Variants in CCDC138 observed in about 807,000 individuals in gnomAD.
The protein encoded by CCDC138 is coiled-coil domain containing 138.
A neutral mutation model predicts 82.3 loss-of-function variants in CCDC138; 66 were observed. The ratio of observed to expected loss-of-function variants is 0.80; its 90% CI spans 0.66 to 0.98. The LOEUF is 0.98. CCDC138 is among the 50% of genes least tolerant of loss of function. The pLI is 0.00. For missense variants in CCDC138, 816 were observed against 758.9 expected, an observed-to-expected ratio of 1.08 and a Z score of -0.88; for synonymous variants, 297 against 265.4, an observed-to-expected ratio of 1.12 and a Z score of -1.16.
chr2:108,852,711 T>C (rs541321886), intron 12 of CCDC138, among the ~76,000 whole-genome samples: 2 of 152,166 alleles, frequency 1.3e-5, no homozygotes, highest in East Asian at 3.9e-4. Flanking sequence ...TGAGAACACA[T>C]GGATACATAA....
At chr2:108,877,128 A>C (rs1696073727), downstream of CCDC138, among the ~76,000 whole-genome samples, 1 of 152,200 alleles carries the variant, frequency 6.6e-6, no homozygotes, top group African/African-American at 2.4e-5. Context: ...AGAAAGCCAT[A>C]ATGAAAGAAC....
chr2:108,872,255 C>T (rs1695380602), intron 13 of CCDC138, among the ~76,000 whole-genome samples: 2 of 152,124 alleles, frequency 1.3e-5, no homozygotes, highest in Admixed American at 6.6e-5. Flanking sequence ...TAGCATCCTG[C>T]CATTGGTGCC....
chr2:108,789,783 G>A (rs1467576898), intron 3 of CCDC138, among the ~76,000 whole-genome samples: 2 of 152,084 alleles, frequency 1.3e-5, no homozygotes, highest in African/African-American at 2.4e-5. Flanking sequence ...AGAAGTTGCC[G>A]TTCTGTAAGG....
At chr2:108,884,757 G>T (rs1485769960) in intron 2 of CCDC138, 1 of 152,152 alleles carries the variant, frequency 6.6e-6, no homozygotes, top group African/African-American at 2.4e-5. Flanking sequence ...CTTCCAGCTG[G>T]GAAAGGCCAC....
chr2:108,875,955 T>G, intron 14 of CCDC138, 133 bp from the exon 15 acceptor site: 1 of 577,750 alleles, frequency 1.7e-6, no homozygotes. Context: ...AATCTTTTAG[T>G]TGCCTATTTT....
chr2:108,794,556 T>TACGAG lies in CCDC138; in HGVS notation c.415_416insGACGA (p.Thr139ArgfsTer20). 6.2e-7 allele frequency: 1 copy of TACGAG among 1,610,636 alleles called. No homozygotes were observed. The highest frequency in any genetic ancestry group is 8.5e-7 in the Non-Finnish European group (1 of 1,178,742). On this transcript the variant is annotated frameshift_variant, in exon 5 of 15. Coordinates refer to ENST00000295124, the MANE Select transcript of CCDC138 (RefSeq NM_144978.3). LOFTEE classifies it high-confidence loss of function. ...TCTTTGCAGTTGCCTTGCCAACTAA[T>TACGAG]ACGACCTCATCGAGACCTCGGACTG...
At chr2:108,874,738 TTGAC>T (rs1363817099) in intron 14 of CCDC138, among the ~76,000 whole-genome samples, 4 of 152,148 alleles carry the variant, frequency 2.6e-5, no homozygotes, top group South Asian at 2.1e-4. Context: ...ACCTTATAAT[TTGAC>T]TGACCAAGTT....
At chr2:108,883,724 G>A (rs568225473) in intron 2 of CCDC138, 1 of 152,362 alleles carries the variant, frequency 6.6e-6, no homozygotes, top group South Asian at 2.1e-4. Context: ...GAGACAACAG[G>A]GCATCTGCTT....
At chr2:108,843,876 G>GTGTGTGTGTGTGTT (rs1187530203) in intron 11 of CCDC138, among the ~76,000 whole-genome samples, 192 of 13,866 alleles carry the variant, frequency 0.014, 2 homozygotes, top group East Asian at 0.044. Context: ...GTGTGTGTGT[G>GTGTGTGTGTGTGTT]TGTTTCTTTC....
At chr2:108,795,175 G>A (rs1416537959) in intron 5 of CCDC138, among the ~76,000 whole-genome samples, 10 of 27,988 alleles carry the variant, frequency 3.6e-4, no homozygotes, top group East Asian at 2.1e-3. Context: ...TTTTTTTTGC[G>A]ATGGAATCTT....
chr2:108,879,373 A>G (rs897454135), downstream of CCDC138, among the ~76,000 whole-genome samples: 2 of 152,248 alleles, frequency 1.3e-5, no homozygotes, highest in African/African-American at 4.8e-5. Flanking sequence ...TGAAATATTT[A>G]AAGTTATTTA....
In CCDC138 at chr2:108,788,913, C is replaced by T. The variant is rs370700304; in HGVS notation, c.213C>T (p.Ser71=). ...VGSSLKYSDE[S]KHCRTPLGSL... is the part of the protein sequence containing the mutation. Reference sequence around the variant, plus strand: ...CATCGTTAAAATATTCTGATGAAAGCAAGCATTGTAGAACACCATTGGGCA... The same window carrying T: ...CATCGTTAAAATATTCTGATGAAAGTAAGCATTGTAGAACACCATTGGGCA... The change falls in exon 3 of 15, where the codon AGC becomes AGT. Residue 71 remains serine, a synonymous_variant. Coordinates refer to ENST00000295124, the MANE Select transcript of CCDC138 (RefSeq NM_144978.3). 2.9e-5 allele frequency: 47 copies of T among 1,613,962 alleles called. No individual in the cohort carries two copies. The African/African-American group carries it at 6.1e-4, about 21-fold the overall frequency.
chr2:108,853,285 A>G (rs1162041948), intron 12 of CCDC138, among the ~76,000 whole-genome samples: 1 of 152,164 alleles, frequency 6.6e-6, no homozygotes, highest in Admixed American at 6.5e-5. Flanking sequence ...TTTACAGAAG[A>G]GCAAACTGAG....
At chr2:108,819,060 T>C (rs1173821669) in intron 10 of CCDC138, among the ~76,000 whole-genome samples, 1 of 152,230 alleles carries the variant, frequency 6.6e-6, no homozygotes, top group Non-Finnish European at 1.5e-5. Context: ...TTGTAAAATT[T>C]GGCTATAAGA....
At position 108,842,185 on chromosome 2, in the gene CCDC138, A is replaced by G. The variant is rs34534817; in HGVS notation, c.1323+2884A>G. Reference sequence around the variant, plus strand: ...TAGGATTACAGACGTTCGCCACCACACCTGGCTAATTAAAAAGTTTTTTTT... The same window carrying G: ...TAGGATTACAGACGTTCGCCACCACGCCTGGCTAATTAAAAAGTTTTTTTT... On this transcript the variant is annotated intron_variant, in intron 11 of 14. Coordinates refer to ENST00000295124, the MANE Select transcript of CCDC138 (RefSeq NM_144978.3). Among the ~76,000 whole-genome samples, 983 of 141,280 alleles carry G rather than the reference A, an allele frequency of 7.0e-3. 5 individuals carry two copies. Among genetic ancestry groups the G allele is most frequent in the Admixed American group, 0.011 (150 of 13,148 alleles). 92.7% of individuals were successfully genotyped at this position (141,280 alleles called of 152,430 possible). A position where few individuals can be genotyped will look rare whatever the true frequency, so the allele number is the denominator to read the frequency against.
chr2:108,789,001 C>A, intron 3 of CCDC138, 35 bp downstream of exon 3: 1 of 1,607,486 alleles, frequency 6.2e-7, no homozygotes, highest in South Asian at 1.1e-5. Context: ...TTGCTACCCC[C>A]TCAGTATCTC....
At chr2:108,795,348 G>A (rs948990458) in intron 5 of CCDC138, among the ~76,000 whole-genome samples, 3 of 151,912 alleles carry the variant, frequency 2.0e-5, no homozygotes, top group African/African-American at 7.3e-5. Flanking sequence ...TAGAGATGGG[G>A]TTTCACCATG....
At chr2:108,870,260 AAAAG>A (rs1695026836) in intron 13 of CCDC138, among the ~76,000 whole-genome samples, 1 of 152,244 alleles carries the variant, frequency 6.6e-6, no homozygotes. Context: ...TTGAACAGGC[AAAAG>A]AAAGAATCAG....
intron 10 of CCDC138, among the ~76,000 whole-genome samples, chr2:108,821,018 TAAA>T (rs35010202): frequency 6.6e-6 from 1 of 151,908 alleles, no homozygotes; most frequent in Non-Finnish European, 1.5e-5. Context: ...ACAAAAGTAT[TAAA>T]AAAAACTGTA....
Sources: gnomAD v4.1 joint callset for allele counts (sites outside exome capture counted in the v4.1 genomes callset) on GRCh38, gnomAD v4.1.1 for gene constraint, MANE v1.5 for transcripts, NCBI Gene and HGNC (gene_info 2026-07-23, HGNC 2026-07-21) for gene names.